ATP6V1C1: variants seen among roughly 807,000 people sequenced by gnomAD.
ATP6V1C1 encodes the protein ATPase H+ transporting V1 subunit C1.
A neutral mutation model predicts 53.9 loss-of-function variants in ATP6V1C1; 45 were observed. The observed-to-expected ratio is 0.83, with a 90% CI of 0.66 to 1.07. ATP6V1C1 has a LOEUF of 1.07. Ranked by LOEUF, ATP6V1C1 falls within the 50% of genes least tolerant of loss-of-function variation. The pLI is 0.00. For missense variants in ATP6V1C1, 315 were observed against 440.3 expected (o/e 0.72, Z 2.55); for synonymous variants, 153 against 155.2 (o/e 0.99, Z 0.11).
chr8:103,055,293 C>G (rs760680143), intron 7 of ATP6V1C1, among the ~76,000 whole-genome samples: 1 of 152,110 alleles, frequency 6.6e-6, no homozygotes, highest in Non-Finnish European at 1.5e-5. Flanking sequence ...ATTCTCTATT[C>G]TGGCCTATAC....
chr8:103,031,838 G>A lies in ATP6V1C1; in HGVS notation c.-39-8960G>A, dbSNP rs117862548. 3.2e-3 allele frequency among the ~76,000 whole-genome samples: 487 copies of A among 152,170 alleles called. 5 individuals are homozygous for A. Among genetic ancestry groups the A allele is most frequent in the Middle Eastern group, 0.01 (3 of 292 alleles). On this transcript the variant is annotated intron_variant, in intron 1 of 12. Transcript: ENST00000518738. Reference sequence around the variant, plus strand: ...ACATGTGATCTTGTTTCAAAAGAAGGAAGTGAAGGCAAAAAAAATTGAGGA... The same window carrying A: ...ACATGTGATCTTGTTTCAAAAGAAGAAAGTGAAGGCAAAAAAAATTGAGGA...
At chr8:103,027,057 A>G (rs1299726275) in intron 1 of ATP6V1C1, among the ~76,000 whole-genome samples, 1 of 152,192 alleles carries the variant, frequency 6.6e-6, no homozygotes. Context: ...AGTGATTTCT[A>G]GGGTAGGATG....
At chr8:103,062,856 T>G (rs147407709) in intron 8 of ATP6V1C1, 99 bp from the exon 9 acceptor site, 7 of 977,590 alleles carry the variant, frequency 7.2e-6, no homozygotes, top group Non-Finnish European at 1.1e-5. Context: ...AGGGCTATTA[T>G]ACCCTACTTT....
At chr8:103,027,481 T>A (rs1477770053) in intron 1 of ATP6V1C1, among the ~76,000 whole-genome samples, 1 of 152,210 alleles carries the variant, frequency 6.6e-6, no homozygotes, top group East Asian at 1.9e-4. Context: ...TTGTTCAGGC[T>A]TATAACCAAC....
chr8:103,022,866 T>C (rs1459967867), intron 1 of ATP6V1C1, among the ~76,000 whole-genome samples: 4 of 151,812 alleles, frequency 2.6e-5, no homozygotes, highest in Non-Finnish European at 5.9e-5. Context: ...CTGGGCAACA[T>C]AGTGAGACCA....
At chr8:103,064,986 T>A (rs1212080457) in intron 11 of ATP6V1C1, among the ~76,000 whole-genome samples, 175 bp downstream of exon 11, 3 of 152,198 alleles carry the variant, frequency 2.0e-5, no homozygotes, top group African/African-American at 7.2e-5. Flanking sequence ...CATATTAGTC[T>A]TGTTCTTTAG....
intron 1 of ATP6V1C1, among the ~76,000 whole-genome samples, chr8:103,034,495 A>C (rs866456879): frequency 2.6e-5 from 4 of 152,342 alleles, no homozygotes; most frequent in Middle Eastern, 6.8e-3. Context: ...CGATGAATAA[A>C]GACATACATA....
At chr8:103,065,508 G>A (rs1170037212) in intron 11 of ATP6V1C1, among the ~76,000 whole-genome samples, 1 of 152,146 alleles carries the variant, frequency 6.6e-6, no homozygotes, top group South Asian at 2.1e-4. Context: ...AGCCGAGATT[G>A]TGCCACTGCA....
At chr8:103,027,738 A>G (rs1450964006) in intron 1 of ATP6V1C1, among the ~76,000 whole-genome samples, 2 of 151,624 alleles carry the variant, frequency 1.3e-5, no homozygotes, top group Admixed American at 1.3e-4. Flanking sequence ...TTGCAGTCAG[A>G]CAAAATAGAA....
chr8:103,070,410 A>C lies in ATP6V1C1; in HGVS notation c.*1663A>C, dbSNP rs1400808049. ...CTGCCAAGTCATCTGTCAGAATTCT[A>C]AACTAAAGACATGTTTGGAGTGTGG... On this transcript the variant is annotated 3_prime_UTR_variant, in exon 13 of 13. Coordinates refer to ENST00000518738, the MANE Select transcript of ATP6V1C1 (RefSeq NM_001695.5). 6.6e-6 allele frequency: 1 copy of C among 152,220 alleles called. No homozygotes were observed. Among genetic ancestry groups the C allele is most frequent in the Non-Finnish European group, 1.5e-5 (1 of 68,040 alleles). 9.4% of individuals were successfully genotyped at this position (152,220 alleles called of 1,614,324 possible). A position where few individuals can be genotyped will look rare whatever the true frequency, so the allele number is the denominator to read the frequency against.
At position 103,068,998 on chromosome 8, in the gene ATP6V1C1, A is replaced by G. The variant is rs8079; in HGVS notation, c.*251A>G. 134,197 of 245,718 alleles carry G rather than the reference A, an allele frequency of 0.55. 36,964 individuals are homozygous for G. Among genetic ancestry groups the G allele is most frequent in the Admixed American group, 0.6 (11,164 of 18,618 alleles). The allele number at this position is 245,718 out of a possible 1,614,324, so 15.2% of individuals were successfully genotyped here. Reference sequence around the variant, plus strand: ...AAAAATCAGAGTTTATTTATAAACAAAATAGTTTATTTAAAGAGAAGGTCT... The same window carrying G: ...AAAAATCAGAGTTTATTTATAAACAGAATAGTTTATTTAAAGAGAAGGTCT... On this transcript the variant is annotated 3_prime_UTR_variant, in exon 13 of 13. Transcript: ENST00000518738.
intron 1 of ATP6V1C1, among the ~76,000 whole-genome samples, chr8:103,023,894 G>A (rs1035951460): frequency 3.4e-5 from 5 of 147,306 alleles, no homozygotes; most frequent in Admixed American, 1.3e-4. Flanking sequence ...CTTTGATTCA[G>A]CATTTTTTTT....
chr8:103,022,486 T>A (rs533696714), intron 1 of ATP6V1C1, among the ~76,000 whole-genome samples: 1 of 152,108 alleles, frequency 6.6e-6, no homozygotes, highest in South Asian at 2.1e-4. Context: ...AAAATTGTCT[T>A]TATAGAGCTT....
At chr8:103,022,811 G>A (rs1270896226) in intron 1 of ATP6V1C1, among the ~76,000 whole-genome samples, 2 of 152,118 alleles carry the variant, frequency 1.3e-5, no homozygotes, top group Non-Finnish European at 2.9e-5. Flanking sequence ...CATTTTGGGA[G>A]GCTGAGGTGG....
chr8:103,055,101 T>G (rs180721343), intron 7 of ATP6V1C1, among the ~76,000 whole-genome samples: 1 of 152,280 alleles, frequency 6.6e-6, no homozygotes, highest in Admixed American at 6.6e-5. Context: ...AAACACTGAT[T>G]ATTTATAACA....
At chr8:103,063,350 T>G in intron 10 of ATP6V1C1, 122 bp downstream of exon 10, 2 of 636,730 alleles carry the variant, frequency 3.1e-6, no homozygotes, top group Non-Finnish European at 5.2e-6. Flanking sequence ...TTTTAGTTTT[T>G]TTTTTTAATT....
At chr8:103,025,352 C>T (rs1816678227) in intron 1 of ATP6V1C1, among the ~76,000 whole-genome samples, 1 of 152,190 alleles carries the variant, frequency 6.6e-6, no homozygotes, top group South Asian at 2.1e-4. Flanking sequence ...AAAATGCTCC[C>T]ATACATTTCC....
chr8:103,027,152 T>TGG (rs1816710974), intron 1 of ATP6V1C1, among the ~76,000 whole-genome samples: 1 of 152,256 alleles, frequency 6.6e-6, no homozygotes, highest in Non-Finnish European at 1.5e-5. Flanking sequence ...TTTGGAAGGC[T>TGG]ATGTGATATT....
intron 8 of ATP6V1C1, among the ~76,000 whole-genome samples, chr8:103,058,997 T>G (rs1279479538): frequency 2.0e-5 from 3 of 151,850 alleles, no homozygotes; most frequent in Admixed American, 6.6e-5. Context: ...TTTTTTTTTT[T>G]GTCTGCTTTT....
Sources: gnomAD v4.1 joint callset for allele counts (sites outside exome capture counted in the v4.1 genomes callset) on GRCh38, gnomAD v4.1.1 for gene constraint, MANE v1.5 for transcripts, NCBI Gene and HGNC (gene_info 2026-07-23, HGNC 2026-07-21) for gene names.